RAF1: variants seen among roughly 807,000 people sequenced by gnomAD.
RAF1 encodes the protein RAF proto-oncogene serine/threonine-protein kinase.
Under a neutral mutation model 81.1 loss-of-function variants are expected in RAF1, and 27 were observed. The observed-to-expected ratio is 0.33, with a 90% CI of 0.25 to 0.46. The LOEUF is 0.46. Ranked by LOEUF, RAF1 falls within the 20% of genes least tolerant of loss-of-function variation. The probability of loss-of-function intolerance (pLI) is 1.00; values close to 1 mark genes in which losing one functional copy is unlikely to be tolerated. For missense variants in RAF1, 598 were observed against 826.0 expected (o/e 0.72, Z 3.38); for synonymous variants, 298 against 294.0 (o/e 1.01, Z -0.14).
At chr3:12,603,453 C>T (rs928920304) in intron 8 of RAF1, 1 of 684,702 alleles carries the variant, frequency 1.5e-6, no homozygotes, top group Non-Finnish European at 2.7e-6. Flanking sequence ...TACAAGAAAG[C>T]AAAGGCATGA....
chr3:12,637,439 A>G (rs566068023), intron 1 of RAF1, among the ~76,000 whole-genome samples: 86 of 150,770 alleles, frequency 5.7e-4, no homozygotes, highest in Non-Finnish European at 1.0e-3. Context: ...TAATTTTTGT[A>G]TTTTCAGTAG....
At chr3:12,635,866 A>G (rs1267512943) in intron 1 of RAF1, among the ~76,000 whole-genome samples, 2 of 147,468 alleles carry the variant, frequency 1.4e-5, no homozygotes, top group African/African-American at 5.0e-5. Flanking sequence ...CCAGCTACTC[A>G]GGAGGCTGAG....
rs1575530552 is a variant in RAF1 at position 12,584,956 on chromosome 3, T to C, written c.1754A>G (p.Tyr585Cys). 1 of 1,614,122 alleles carries C rather than the reference T, an allele frequency of 6.2e-7. No homozygotes were observed. Among genetic ancestry groups the C allele is most frequent in the Non-Finnish European group, 8.5e-7 (1 of 1,180,030 alleles). The change falls in exon 17 of 18, where the codon TAT (tyrosine) becomes TGT (cysteine). Residue 585 changes from tyrosine to cysteine, a missense_variant. By Grantham distance (194) the Tyr-to-Cys change is radical. Transcript: ENST00000442415. The stretch of plus-strand genomic sequence containing the variant: ...TAGCTTACTAAGATCTGGGGAGGCA[T>C]ATCCTCGGCCCACCATGAAGATGAT...
chr3:12,636,737 G>A (rs2060044027), intron 1 of RAF1, among the ~76,000 whole-genome samples: 1 of 151,976 alleles, frequency 6.6e-6, no homozygotes, highest in South Asian at 2.1e-4. Context: ...AGCCTGGGAG[G>A]TGGAGGCTGC....
In RAF1 at chr3:12,584,072, C is replaced by G; in HGVS notation, c.*442G>C. On this transcript the variant is annotated 3_prime_UTR_variant, in exon 18 of 18. Coordinates refer to ENST00000442415, the MANE Select transcript of RAF1 (RefSeq NM_001354689.3). ...GTGCAAAATGTCTGGCGCTGCACCA[C>G]TCTCTGAAGAAAGTCCCGCCTGTGA... is the stretch of plus-strand genomic sequence containing the variant. 3.2e-6 allele frequency: 1 copy of G among 313,304 alleles called. No individual in the cohort carries two copies. Among genetic ancestry groups the G allele is most frequent in the East Asian group, 4.7e-5 (1 of 21,206 alleles). 19.4% of individuals were successfully genotyped at this position (313,304 alleles called of 1,614,324 possible). A position where few individuals can be genotyped will look rare whatever the true frequency, so the allele number is the denominator to read the frequency against.
intron 1 of RAF1, among the ~76,000 whole-genome samples, chr3:12,624,885 CA>C (rs11298876): frequency 0.59 from 66,117 of 112,246 alleles, 18,077 homozygotes; most frequent in East Asian, 0.91. Context: ...GACTCCAACT[CA>C]AAAAAAAAAA....
At chr3:12,646,232 C>T (rs2060344058) in intron 1 of RAF1, among the ~76,000 whole-genome samples, 1 of 152,188 alleles carries the variant, frequency 6.6e-6, no homozygotes, top group Admixed American at 6.5e-5. Flanking sequence ...CCTCAAACTC[C>T]TGGGCTCAAG....
chr3:12,655,701 C>G (rs2060669477), intron 1 of RAF1, among the ~76,000 whole-genome samples: 1 of 151,938 alleles, frequency 6.6e-6, no homozygotes, highest in South Asian at 2.1e-4. Context: ...AGGAGATAAA[C>G]AAAATGATAT....
chr3:12,644,064 T>C (rs2060271985), intron 1 of RAF1, among the ~76,000 whole-genome samples: 1 of 152,182 alleles, frequency 6.6e-6, no homozygotes, highest in South Asian at 2.1e-4. Context: ...TTTTGCTGGT[T>C]TTTTTCAGTT....
chr3:12,584,869 T>C lies in RAF1; in HGVS notation c.1841A>G (p.Glu614Gly). ...TACCTGGGGAAAAAGAGGCCTCTCT[T>C]CCTTTACTTTCTTCACACAGTCAGC... Residue 614 changes from glutamate to glycine, a missense_variant, in exon 17 of 18, where the codon GAA becomes GGA. Glu to Gly is a moderately conservative substitution (Grantham distance 98). This residue lies in a region of RAF1 where 147 missense variants were observed against 196.1 expected (regional missense o/e 0.75). Coordinates refer to ENST00000442415, the MANE Select transcript of RAF1 (RefSeq NM_001354689.3). 6.2e-7 allele frequency: 1 copy of C among 1,614,160 alleles called. No individual in the cohort carries two copies. Among genetic ancestry groups the C allele is most frequent in the Non-Finnish European group, 8.5e-7 (1 of 1,180,026 alleles).
chr3:12,635,637 CAAAAA>C (rs34576938), intron 1 of RAF1, among the ~76,000 whole-genome samples: 5 of 73,272 alleles, frequency 6.8e-5, no homozygotes, highest in East Asian at 3.9e-4. Context: ...ACTCCAGCTC[CAAAAA>C]AAAAAAAAAA....
chr3:12,643,457 G>GTCAATT (rs1437439151), intron 1 of RAF1, among the ~76,000 whole-genome samples: 2 of 152,096 alleles, frequency 1.3e-5, no homozygotes, highest in Non-Finnish European at 2.9e-5. Context: ...AAATTAAAAA[G>GTCAATT]AAGCCGGGTG....
In RAF1 at chr3:12,606,188, G is replaced by T; in HGVS notation, c.680+13C>A. 6.3e-7 allele frequency: 1 copy of T among 1,599,560 alleles called. No individual in the cohort carries two copies. The highest frequency in any genetic ancestry group is 8.6e-7 in the Non-Finnish European group (1 of 1,167,016). On this transcript the variant is annotated intron_variant, in intron 6 of 17. Transcript: ENST00000442415. ...ATAACTTTCTAAAAGAAAAGCTATA[G>T]GTAAAAAATTACCTAACAGGCATCC...
At chr3:12,589,793 G>GT (rs113683287) in intron 13 of RAF1, 45,741 of 138,418 alleles carry the variant, frequency 0.33, 7,549 homozygotes, top group East Asian at 0.47. Context: ...GTTTTTTTGG[G>GT]TTTTTTTTTT....
chr3:12,642,522 AAATT>A (rs1483581918), intron 1 of RAF1, among the ~76,000 whole-genome samples: 4 of 151,770 alleles, frequency 2.6e-5, no homozygotes, highest in African/African-American at 9.7e-5. Flanking sequence ...AGGAAAAAAA[AAATT>A]AATTAATTAA....
intron 3 of RAF1, among the ~76,000 whole-genome samples, chr3:12,610,639 G>A (rs1015196286): frequency 3.9e-5 from 6 of 152,244 alleles, no homozygotes; most frequent in African/African-American, 1.2e-4. Flanking sequence ...CTCCTAAATT[G>A]AGAATTACAC....
At chr3:12,600,458 G>A in intron 8 of RAF1, 43 bp from the exon 8 acceptor site, 2 of 1,610,588 alleles carry the variant, frequency 1.2e-6, no homozygotes, top group Non-Finnish European at 1.7e-6. Flanking sequence ...ACACACAAAA[G>A]ATTTTCTCTG....
chr3:12,643,876 G>C (rs1230863587), intron 1 of RAF1, among the ~76,000 whole-genome samples: 3 of 152,112 alleles, frequency 2.0e-5, no homozygotes, highest in Non-Finnish European at 4.4e-5. Flanking sequence ...GAAGAATATA[G>C]GGTTGTGATA....
chr3:12,633,838 G>A (rs1391173149), intron 1 of RAF1, among the ~76,000 whole-genome samples: 3 of 151,178 alleles, frequency 2.0e-5, no homozygotes, highest in Non-Finnish European at 4.4e-5. Flanking sequence ...GGGAGGCTGA[G>A]GCAGGAGAAT....
Sources: allele counts gnomAD v4.1 joint callset (sites outside exome capture counted in the v4.1 genomes callset), GRCh38; gene constraint gnomAD v4.1.1; regional missense constraint gnomAD v4.1.1; transcripts MANE v1.5; gene names NCBI Gene and HGNC (gene_info 2026-07-23, HGNC 2026-07-21).